Variants in EFHC2 observed in about 807,000 individuals in gnomAD.
EFHC2 encodes the protein EF-hand domain-containing family member C2.
Under a neutral mutation model 52.7 loss-of-function variants are expected in EFHC2, and 18 were observed. That is an observed-to-expected ratio of 0.34 (90% CI 0.24 to 0.51). The LOEUF is 0.51. Among genes scored for constraint, EFHC2 ranks in the 20% least tolerant of loss-of-function variants. EFHC2 has a pLI of 0.97. For synonymous variants in EFHC2, 203 were observed against 204.1 expected (o/e 0.99, Z 0.04); for missense variants, 513 against 562.5 (o/e 0.91, Z 0.89).
chrX:44,280,554 A>G (rs1353302470), intron 2 of EFHC2, among the ~76,000 whole-genome samples: 2 of 112,232 alleles, frequency 1.8e-5, no homozygotes, highest in African/African-American at 6.5e-5. Context: ...GATATGAAGT[A>G]AAAATATTAG....
chrX:44,248,394 T>C lies in EFHC2; in HGVS notation c.989A>G (p.Gln330Arg). The change falls in exon 7 of 15, where the codon CAA (glutamine) becomes CGA (arginine). Residue 330 changes from glutamine (Q) to arginine (R), a missense_variant. Coordinates refer to ENST00000420999, the MANE Select transcript of EFHC2 (RefSeq NM_025184.4). The part of the protein sequence containing the change: ...FDRYKLGKVD[Q>R]EFYKDSDLSL... ...CAGGTCACTATCTTTGTAAAACTCT[T>C]GGTCTACTTTTCCTAGCTAAAAAAG... The C allele has an allele frequency of 8.4e-7, 1 of 1,187,940 alleles. No homozygotes were observed. The highest frequency in any genetic ancestry group is 1.1e-6 in the Non-Finnish European group (1 of 882,895).
intron 7 of EFHC2, among the ~76,000 whole-genome samples, chrX:44,245,223 C>T (rs2037390907): frequency 9.0e-6 from 1 of 111,576 alleles, no homozygotes; most frequent in Non-Finnish European, 1.9e-5. Context: ...GAAATGACTC[C>T]ACAAAATTAA....
At chrX:44,193,293 C>T (rs1385938243) in intron 11 of EFHC2, among the ~76,000 whole-genome samples, 3 of 93,340 alleles carry the variant, frequency 3.2e-5, no homozygotes, top group Non-Finnish European at 6.3e-5. Context: ...AACCAATGTA[C>T]ATCTTACATA....
chrX:44,209,621 C>T (rs904236530), intron 11 of EFHC2, among the ~76,000 whole-genome samples: 2 of 109,236 alleles, frequency 1.8e-5, no homozygotes, highest in African/African-American at 6.7e-5. Flanking sequence ...ACGAGATGTG[C>T]AAGAACTATA....
In EFHC2 at chrX:44,272,764, A is replaced by T; in HGVS notation, c.304T>A (p.Tyr102Asn). The change falls in exon 3 of 15, where the codon TAT (tyrosine) becomes AAT (asparagine). Residue 102 changes from tyrosine (Y) to asparagine (N), a missense_variant. Tyr to Asn is a moderately radical substitution (Grantham distance 143). Coordinates refer to ENST00000420999, the MANE Select transcript of EFHC2 (RefSeq NM_025184.4). Reference protein sequence around the residue: ...KSQTNYRIRYYKIYFYPEDDT... With the variant: ...KSQTNYRIRYNKIYFYPEDDT... ...TCTTCAGGGTAGAAGTAGATTTTAT[A>T]GTATCTTATTCTGTAGTTGGTTTGG... 8.6e-7 allele frequency: 1 copy of T among 1,168,341 alleles called. No homozygotes were observed. Among genetic ancestry groups the T allele is most frequent in the Non-Finnish European group, 1.1e-6 (1 of 872,123 alleles).
chrX:44,189,712 C>T (rs182056544), intron 11 of EFHC2, among the ~76,000 whole-genome samples: 27 of 110,883 alleles, frequency 2.4e-4, no homozygotes, highest in Admixed American at 2.3e-3. Context: ...TGCTGGGCCT[C>T]GGATGGACTC....
chrX:44,259,527 C>T (rs755423479), intron 4 of EFHC2, among the ~76,000 whole-genome samples: 2 of 111,913 alleles, frequency 1.8e-5, no homozygotes, highest in Non-Finnish European at 3.8e-5. Flanking sequence ...GCACATGTAT[C>T]CCAGAACTTA....
intron 3 of EFHC2, among the ~76,000 whole-genome samples, chrX:44,271,941 G>A (rs2037620294): frequency 1.8e-5 from 2 of 112,024 alleles, no homozygotes; most frequent in Non-Finnish European, 1.9e-5. Context: ...TCACTATTCT[G>A]TCTTGCACAT....
intron 11 of EFHC2, among the ~76,000 whole-genome samples, chrX:44,192,061 A>AGTGTGTGTGTGT (rs3037410): frequency 8.4e-5 from 8 of 95,343 alleles, no homozygotes; most frequent in African/African-American, 2.3e-4. Flanking sequence ...CACATATGTA[A>AGTGTGTGTGTGT]GTGTGTGTGT....
intron 2 of EFHC2, among the ~76,000 whole-genome samples, chrX:44,301,596 A>G (rs1409364131): frequency 8.9e-6 from 1 of 112,023 alleles, no homozygotes; most frequent in Non-Finnish European, 1.9e-5. Context: ...ATACAGTTCA[A>G]TGGCTTTTTG....
At chrX:44,272,884 A>T in intron 2 of EFHC2, 48 bp from the exon 3 acceptor site, 1 of 1,059,194 alleles carries the variant, frequency 9.4e-7, no homozygotes, top group Non-Finnish European at 1.3e-6. Context: ...AAAATTCAGC[A>T]AACTTAAAAT....
At chrX:44,157,011 A>G (rs932977686) in intron 14 of EFHC2, among the ~76,000 whole-genome samples, 6 of 112,096 alleles carry the variant, frequency 5.4e-5, no homozygotes, top group African/African-American at 1.3e-4. Context: ...AGGGAGTCCA[A>G]TGAGAATCCA....
At chrX:44,219,145 T>A (rs374728562) in intron 11 of EFHC2, among the ~76,000 whole-genome samples, 3 of 79,368 alleles carry the variant, frequency 3.8e-5, no homozygotes, top group African/African-American at 4.9e-5. Flanking sequence ...CACCTATAGT[T>A]AAAAAAAAAA....
chrX:44,187,418 G>A (rs1569279410), intron 11 of EFHC2, among the ~76,000 whole-genome samples: 1 of 109,670 alleles, frequency 9.1e-6, no homozygotes, highest in African/African-American at 3.3e-5. Context: ...AAACCAAAAT[G>A]CTAAACCATA....
chrX:44,313,044 C>T (rs1189846715), intron 1 of EFHC2, among the ~76,000 whole-genome samples: 1 of 100,221 alleles, frequency 1.0e-5, no homozygotes, highest in Non-Finnish European at 2.0e-5. Context: ...ATATTTAGAA[C>T]ATTAGCTTGC....
At chrX:44,189,293 G>C (rs772764226) in intron 11 of EFHC2, among the ~76,000 whole-genome samples, 1 of 111,272 alleles carries the variant, frequency 9.0e-6, no homozygotes, top group Non-Finnish European at 1.9e-5. Context: ...CTTTCAGTAG[G>C]AACTTGGTTC....
intron 11 of EFHC2, among the ~76,000 whole-genome samples, chrX:44,216,147 A>G (rs2037146522): frequency 8.9e-6 from 1 of 112,589 alleles, no homozygotes; most frequent in Non-Finnish European, 1.9e-5. Flanking sequence ...ATGCTGTTCC[A>G]GTTAATATTG....
At chrX:44,227,207 CAT>C (rs2037240119) in intron 11 of EFHC2, among the ~76,000 whole-genome samples, 1 of 111,397 alleles carries the variant, frequency 9.0e-6, no homozygotes, top group Non-Finnish European at 1.9e-5. Flanking sequence ...CACACACACA[CAT>C]ACGCATACAT....
At chrX:44,261,607 T>G (rs992537215) in intron 3 of EFHC2, among the ~76,000 whole-genome samples, 3 of 108,993 alleles carry the variant, frequency 2.8e-5, no homozygotes, top group African/African-American at 1.0e-4. Flanking sequence ...ATAAGCAGAA[T>G]GACGAAAAAT....
Sources: allele counts gnomAD v4.1 joint callset (sites outside exome capture counted in the v4.1 genomes callset), GRCh38; gene constraint gnomAD v4.1.1; transcripts MANE v1.5; gene names NCBI Gene and HGNC (gene_info 2026-07-23, HGNC 2026-07-21).